The following ACCSL variants were observed in gnomAD, a reference collection of about 807,000 sequenced individuals.
ACCSL encodes the protein probable inactive 1-aminocyclopropane-1-carboxylate synthase-like protein 2.
ACCSL carries 55 observed loss-of-function variants against 61.7 expected under a neutral mutation model. The observed-to-expected ratio is 0.89, with a 90% confidence interval of 0.72 to 1.12. The LOEUF is 1.12. Among genes scored for constraint, ACCSL ranks in the 50% most tolerant of loss-of-function variants. The pLI, the probability that ACCSL is intolerant of heterozygous loss-of-function variation, is 0.00. For synonymous variants in ACCSL, 258 were observed against 264.3 expected, an observed-to-expected ratio of 0.98 and a Z score of 0.23; for missense variants, 632 against 698.0, an observed-to-expected ratio of 0.91 and a Z score of 1.07.
At chr11:43,969,600 G>T in the ACCSL span, among the ~76,000 whole-genome samples, 1 of 151,732 alleles carries the variant, frequency 6.6e-6, no homozygotes, top group African/African-American at 2.4e-5. Flanking sequence ...TTTCCCTGTG[G>T]TGGGAGAGAA....
the ACCSL span, among the ~76,000 whole-genome samples, chr11:43,924,530 G>A: frequency 1.3e-5 from 2 of 152,180 alleles, no homozygotes; most frequent in African/African-American, 4.8e-5. Context: ...GTGGGACAGG[G>A]ACCTGGAGGC....
rs201314125 is a variant in ACCSL, at chr11:44,050,549, C to T, written c.565-3C>T. ...CCTGTCTTCATGTTCTATTTGTCAA[C>T]AGTTGCAAGAAAGTGACATGAACTG... is the stretch of plus-strand genomic sequence containing the variant. On this transcript the variant is annotated splice_polypyrimidine_tract_variant and splice_region_variant and intron_variant, in intron 2 of 13. Transcript: ENST00000378832. 3,056 of 1,613,780 alleles carry T rather than the reference C, an allele frequency of 1.9e-3. 84 individuals are homozygous for T. In the South Asian group the frequency reaches 0.032, roughly 17 times the overall value.
chr11:43,941,708 G>A, the ACCSL span, among the ~76,000 whole-genome samples: 1 of 152,234 alleles, frequency 6.6e-6, no homozygotes, highest in African/African-American at 2.4e-5. Context: ...TCAGATACTA[G>A]TGGACCAGTT....
chr11:43,931,615 C>T, the ACCSL span, among the ~76,000 whole-genome samples: 1 of 152,190 alleles, frequency 6.6e-6, no homozygotes, highest in Non-Finnish European at 1.5e-5. Context: ...AGCCTCTTTC[C>T]TTGAACAAAG....
the ACCSL span, among the ~76,000 whole-genome samples, chr11:44,038,483 G>A: frequency 6.6e-6 from 1 of 152,204 alleles, no homozygotes; most frequent in African/African-American, 2.4e-5. Context: ...GGAATGCGCA[G>A]AGTGGGCAAG....
In ACCSL at chr11:44,048,060, T is replaced by G. The variant is rs776707991; in HGVS notation, c.24T>G (p.Leu8=). MSHRSDT[L]PVPSGQRRGR... ...GTATGAGTCATCGGTCAGACACCCT[T>G]CCTGTGCCCTCTGGTCAGAGGAGAG... Residue 8 remains leucine (L), a synonymous_variant, in exon 1 of 14, where the codon CTT becomes CTG. Transcript: ENST00000378832. 1 of 1,613,114 alleles carries G rather than the reference T, an allele frequency of 6.2e-7. No homozygotes were observed. Among genetic ancestry groups the G allele is most frequent in the African/African-American group, 1.3e-5 (1 of 75,012 alleles).
At chr11:43,923,304 A>C in the ACCSL span, among the ~76,000 whole-genome samples, 1 of 152,238 alleles carries the variant, frequency 6.6e-6, no homozygotes, top group Non-Finnish European at 1.5e-5. Context: ...TGGCTGCAGA[A>C]TATCTAAGAC....
the ACCSL span, among the ~76,000 whole-genome samples, chr11:43,952,679 A>G: frequency 6.6e-6 from 1 of 152,172 alleles, no homozygotes; most frequent in Non-Finnish European, 1.5e-5. Flanking sequence ...CTTAAAAGGG[A>G]CAGGAATTAT....
At position 44,056,161 on chromosome 11, in the gene ACCSL, C is replaced by T. The variant is rs1952670141; in HGVS notation, c.1186-24C>T. 1.9e-6 allele frequency: 3 copies of T among 1,614,064 alleles called. No homozygotes were observed. In the South Asian group the frequency reaches 3.3e-5, roughly 18 times the overall value. Reference sequence around the variant, plus strand: ...TAGAAGGCAGACAAAACACTTGTTCCTGTTCCTGCTTTTCTTCCTCTAGGA... The same window carrying T: ...TAGAAGGCAGACAAAACACTTGTTCTTGTTCCTGCTTTTCTTCCTCTAGGA... On this transcript the variant is annotated intron_variant, in intron 10 of 13. Coordinates refer to ENST00000378832, the MANE Select transcript of ACCSL (RefSeq NM_001031854.2).
the ACCSL span, among the ~76,000 whole-genome samples, chr11:44,031,306 C>T: frequency 2.0e-5 from 3 of 152,168 alleles, no homozygotes; most frequent in Non-Finnish European, 2.9e-5. Flanking sequence ...GATGTCAGTC[C>T]GGCTCCCCCA....
chr11:44,048,834 G>A (rs147013860), intron 1 of ACCSL, among the ~76,000 whole-genome samples: 19 of 152,268 alleles, frequency 1.2e-4, no homozygotes, highest in African/African-American at 4.6e-4. Flanking sequence ...AAAGAACTTA[G>A]CGTAGTGATG....
At chr11:43,943,607 C>T in the ACCSL span, 1 of 1,307,556 alleles carries the variant, frequency 7.6e-7, no homozygotes, top group Non-Finnish European at 1.0e-6. This position sits in a 1 kb window ranked among gnomAD's most constrained non-coding sequence, Gnocchi z 4.8. Flanking sequence ...TGCCCTTGTC[C>T]GATGGTTTGC....
chr11:43,938,216 C>T, the ACCSL span, among the ~76,000 whole-genome samples: 1 of 152,146 alleles, frequency 6.6e-6, no homozygotes, highest in Non-Finnish European at 1.5e-5. Flanking sequence ...GGGGGGTGAC[C>T]CCTTATTCTG....
At chr11:44,045,959 C>T (rs896942537), upstream of ACCSL, among the ~76,000 whole-genome samples, 2 of 152,132 alleles carry the variant, frequency 1.3e-5, no homozygotes, top group African/African-American at 4.8e-5. Context: ...AGGTTACCAC[C>T]CCGATCTTGG....
the ACCSL span, chr11:43,926,410 G>A: frequency 2.1e-5 from 9 of 430,140 alleles, no homozygotes; most frequent in South Asian, 1.5e-4. Context: ...CCACAGGACT[G>A]TATTGTTTTC....
chr11:43,963,835 C>A, the ACCSL span, among the ~76,000 whole-genome samples: 1 of 152,298 alleles, frequency 6.6e-6, no homozygotes, highest in Non-Finnish European at 1.5e-5. Flanking sequence ...AATAGCTATA[C>A]CTGCATTTAA....
At chr11:43,931,003 G>A in the ACCSL span, among the ~76,000 whole-genome samples, 1 of 152,204 alleles carries the variant, frequency 6.6e-6, no homozygotes, top group African/African-American at 2.4e-5. Flanking sequence ...TGAAAACACT[G>A]ACCCAGCTCA....
the ACCSL span, among the ~76,000 whole-genome samples, chr11:44,022,026 A>G: frequency 6.6e-6 from 1 of 152,178 alleles, no homozygotes; most frequent in Middle Eastern, 3.4e-3. Context: ...ATAGCTTTAT[A>G]GTATAGTTTG....
chr11:44,023,041 C>CTTTTTTTTTTTTTTT, the ACCSL span, among the ~76,000 whole-genome samples: 32 of 86,430 alleles, frequency 3.7e-4, no homozygotes, highest in Non-Finnish European at 5.0e-4. Flanking sequence ...TCTTCTTCTT[C>CTTTTTTTTTTTTTTT]TTTTTTTTTT....
Sources: allele counts gnomAD v4.1 joint callset (sites outside exome capture counted in the v4.1 genomes callset), GRCh38; gene constraint gnomAD v4.1.1; non-coding constraint Gnocchi (gnomAD v3.1); transcripts MANE v1.5; gene names NCBI Gene and HGNC (gene_info 2026-07-23, HGNC 2026-07-21).